SLC35F4: variants seen among roughly 807,000 people sequenced by gnomAD.
SLC35F4 encodes chromosome 14 open reading frame 36.
A neutral mutation model predicts 44.2 loss-of-function variants in SLC35F4; 24 were observed. The observed-to-expected ratio is 0.54, with a 90% confidence interval of 0.39 to 0.76. SLC35F4 has a LOEUF of 0.76. Among genes scored for constraint, SLC35F4 ranks in the 30% least tolerant of loss-of-function variants. SLC35F4 has a pLI of 0.00. For missense variants in SLC35F4, 562 were observed against 586.1 expected (o/e 0.96, Z 0.42); for synonymous variants, 238 against 223.6 (o/e 1.06, Z -0.57).
chr14:57,797,596 G>C (rs1488983117), intron 1 of SLC35F4, among the ~76,000 whole-genome samples: 2 of 152,130 alleles, frequency 1.3e-5, no homozygotes, highest in Admixed American at 1.3e-4. Context: ...AGTAGCTTAG[G>C]AGTATTCTAT....
chr14:57,883,607 A>G (rs1888587670), intron 1 of SLC35F4, among the ~76,000 whole-genome samples: 1 of 152,218 alleles, frequency 6.6e-6, no homozygotes, highest in Non-Finnish European at 1.5e-5. Context: ...TAATTTAAGG[A>G]GATTTACTAA....
At chr14:57,596,672 A>G (rs371720458) in intron 1 of SLC35F4, 39 of 740,502 alleles carry the variant, frequency 5.3e-5, no homozygotes, top group Non-Finnish European at 8.5e-5. Flanking sequence ...GAGATCAAAT[A>G]TTGTCCATAG....
rs150180362 is a variant in SLC35F4 at position 57,646,493 on chromosome 14, G to A, written c.104-52369C>T. 5.7e-3 allele frequency among the ~76,000 whole-genome samples: 872 copies of A among 152,074 alleles called. 8 individuals are homozygous for A. Among genetic ancestry groups the A allele is most frequent in the African/African-American group, 0.018 (748 of 41,498 alleles). Reference sequence around the variant, plus strand: ...TATCCCCTTTGTCATTTTTTATTGCGTCTATTTGATTCTTCTGTCTTTTCT... The same window carrying A: ...TATCCCCTTTGTCATTTTTTATTGCATCTATTTGATTCTTCTGTCTTTTCT... On this transcript the variant is annotated intron_variant, in intron 1 of 7. Coordinates refer to ENST00000556826, the MANE Select transcript of SLC35F4 (RefSeq NM_001306087.2).
At position 57,752,443 on chromosome 14, in the gene SLC35F4, C is replaced by T. The variant is rs79858699; in HGVS notation, c.103+113280G>A. Among the ~76,000 whole-genome samples, 29 of 151,970 alleles carry T rather than the reference C, an allele frequency of 1.9e-4. No homozygotes were observed. In the East Asian group the frequency reaches 3.5e-3, roughly 18 times the overall value. On this transcript the variant is annotated intron_variant, in intron 1 of 7. Transcript: ENST00000556826. The stretch of plus-strand genomic sequence containing the variant: ...GACACTTGATGTGGAGATGGAAAGC[C>T]CTGAGGTTTTTTTTTTTCTTTTTTT...
At chr14:57,735,649 G>A (rs572893763) in intron 1 of SLC35F4, among the ~76,000 whole-genome samples, 91 of 152,108 alleles carry the variant, frequency 6.0e-4, no homozygotes, top group African/African-American at 1.8e-3. Flanking sequence ...CCTCACCCTG[G>A]AAGATGCATA....
intron 1 of SLC35F4, among the ~76,000 whole-genome samples, chr14:57,871,796 T>G (rs564624511): frequency 3.3e-4 from 51 of 152,350 alleles, no homozygotes; most frequent in African/African-American, 9.9e-4. Context: ...AAGGGTTTTC[T>G]CTTTTTCCCT....
At chr14:57,889,365 A>G (rs938150242) in intron 1 of SLC35F4, among the ~76,000 whole-genome samples, 4 of 152,238 alleles carry the variant, frequency 2.6e-5, no homozygotes, top group African/African-American at 9.6e-5. Context: ...GACAGCAGAG[A>G]CACTTGAAGT....
intron 5 of SLC35F4, among the ~76,000 whole-genome samples, chr14:57,570,475 G>A (rs1204541085): frequency 1.3e-5 from 2 of 152,150 alleles, no homozygotes; most frequent in Non-Finnish European, 2.9e-5. Context: ...AGCTCAAAAT[G>A]ACTTCACAAA....
At chr14:57,893,168 T>C (rs1430034888) in intron 1 of SLC35F4, among the ~76,000 whole-genome samples, 1 of 152,160 alleles carries the variant, frequency 6.6e-6, no homozygotes, top group Admixed American at 6.6e-5. Context: ...AACTAAGGTT[T>C]GCTGCCTCTG....
chr14:57,679,332 C>A (rs542922138), intron 1 of SLC35F4, among the ~76,000 whole-genome samples: 3 of 152,094 alleles, frequency 2.0e-5, no homozygotes, highest in East Asian at 3.9e-4. Context: ...CCAATGAGAA[C>A]AAAGACACAG....
chr14:57,565,844 A>G (rs2068180646), intron 7 of SLC35F4, among the ~76,000 whole-genome samples: 1 of 152,200 alleles, frequency 6.6e-6, no homozygotes, highest in Non-Finnish European at 1.5e-5. Context: ...ATTGTCGTGG[A>G]GGACAGAAAA....
chr14:57,859,288 A>T (rs188963770), intron 1 of SLC35F4, among the ~76,000 whole-genome samples: 3 of 152,358 alleles, frequency 2.0e-5, no homozygotes, highest in Non-Finnish European at 4.4e-5. Context: ...CAAACAATAT[A>T]GACCAACGAG....
At chr14:57,729,903 T>G (rs2140468159) in intron 1 of SLC35F4, among the ~76,000 whole-genome samples, 1 of 152,298 alleles carries the variant, frequency 6.6e-6, no homozygotes, top group Non-Finnish European at 1.5e-5. Flanking sequence ...CGGGTGATTC[T>G]CCTCTCACTA....
At chr14:57,885,211 T>C (rs1888620893) in intron 1 of SLC35F4, among the ~76,000 whole-genome samples, 1 of 152,166 alleles carries the variant, frequency 6.6e-6, no homozygotes, top group Admixed American at 6.6e-5. Flanking sequence ...GCCCAGCTCA[T>C]CTAATCACTA....
At chr14:57,695,282 G>T (rs2075349848) in intron 1 of SLC35F4, among the ~76,000 whole-genome samples, 1 of 151,754 alleles carries the variant, frequency 6.6e-6, no homozygotes, top group African/African-American at 2.4e-5. Flanking sequence ...CTGACAAACG[G>T]CTAATATCCA....
intron 1 of SLC35F4, among the ~76,000 whole-genome samples, chr14:57,756,934 T>G (rs2140596709): frequency 6.6e-6 from 1 of 152,266 alleles, no homozygotes. Flanking sequence ...AGTGTTGGGA[T>G]TACAGGCATG....
In SLC35F4 at chr14:57,587,256, C is replaced by T. The variant is rs182307398; in HGVS notation, c.587+1960G>A. Among the ~76,000 whole-genome samples, 196 of 152,264 alleles carry T rather than the reference C, an allele frequency of 1.3e-3. 1 individual carries two copies. Among genetic ancestry groups the T allele is most frequent in the African/African-American group, 4.5e-3 (185 of 41,550 alleles). ...ATCTAGAACTAGAATTACCATTTGA[C>T]TCAGCAATCCCATAACTGGGTATAT... On this transcript the variant is annotated intron_variant, in intron 3 of 7. Coordinates refer to ENST00000556826, the MANE Select transcript of SLC35F4 (RefSeq NM_001306087.2).
At chr14:57,651,378 A>T (rs1014950117) in intron 1 of SLC35F4, among the ~76,000 whole-genome samples, 62 of 152,180 alleles carry the variant, frequency 4.1e-4, no homozygotes, top group African/African-American at 1.4e-3. Flanking sequence ...TAGGGAGTGA[A>T]GTGGGTCGGT....
At chr14:57,668,154 A>G (rs1206678599) in intron 1 of SLC35F4, among the ~76,000 whole-genome samples, 3 of 150,616 alleles carry the variant, frequency 2.0e-5, no homozygotes, top group Non-Finnish European at 4.4e-5. Flanking sequence ...GTCTGTTCAT[A>G]TCCTTTGCCC....
Sources: gnomAD v4.1 joint callset for allele counts (sites outside exome capture counted in the v4.1 genomes callset) on GRCh38, gnomAD v4.1.1 for gene constraint, MANE v1.5 for transcripts, NCBI Gene and HGNC (gene_info 2026-07-23, HGNC 2026-07-21) for gene names.